The following FOLH1 variants were observed in gnomAD, a reference collection of about 807,000 sequenced individuals.
FOLH1 encodes the protein folate hydrolase 1, also known as glutamate carboxypeptidase 2.
Under a neutral mutation model 93.9 loss-of-function variants are expected in FOLH1, and 54 were observed. The ratio of observed to expected loss-of-function variants is 0.57; its 90% confidence interval spans 0.46 to 0.72. The LOEUF is 0.72. Among genes scored for constraint, FOLH1 ranks in the 30% least tolerant of loss-of-function variants. The pLI is 0.00. For missense variants in FOLH1, 571 were observed against 892.5 expected (o/e 0.64, Z 4.59); for synonymous variants, 249 against 303.6 (o/e 0.82, Z 1.87).
At chr11:49,154,903 G>A (rs1202155853) in intron 15 of FOLH1, among the ~76,000 whole-genome samples, 2 of 151,954 alleles carry the variant, frequency 1.3e-5, no homozygotes, top group Non-Finnish European at 2.9e-5. Flanking sequence ...ACACTAAATT[G>A]CTTAATCACT....
At chr11:49,158,755 A>G (rs1485716890) in intron 13 of FOLH1, among the ~76,000 whole-genome samples, 1 of 152,194 alleles carries the variant, frequency 6.6e-6, no homozygotes, top group Non-Finnish European at 1.5e-5. Context: ...GATTCTTCCT[A>G]TCCATGAGCA....
intron 4 of FOLH1, among the ~76,000 whole-genome samples, chr11:49,191,189 T>C (rs1417424348): frequency 6.6e-6 from 1 of 152,134 alleles, no homozygotes; most frequent in East Asian, 1.9e-4. Flanking sequence ...TTTTTTTGCA[T>C]GTTTAGTAGA....
intron 3 of FOLH1, among the ~76,000 whole-genome samples, chr11:49,195,084 T>C (rs1862479409): frequency 6.6e-6 from 1 of 151,994 alleles, no homozygotes; most frequent in Non-Finnish European, 1.5e-5. Context: ...AAATACAAAA[T>C]ATTAAACCAA....
chr11:49,155,997 C>T (rs1027857976), intron 15 of FOLH1, among the ~76,000 whole-genome samples: 1 of 151,134 alleles, frequency 6.6e-6, no homozygotes, highest in African/African-American at 2.4e-5. Flanking sequence ...TCATGGGGGA[C>T]GAGTTTTCCT....
intron 7 of FOLH1, among the ~76,000 whole-genome samples, chr11:49,177,426 T>C (rs897738211): frequency 6.6e-6 from 1 of 152,026 alleles, no homozygotes; most frequent in Non-Finnish European, 1.5e-5. Context: ...AAGTAAAGAA[T>C]ATACATATAC....
rs762091950 is a variant in FOLH1 at position 49,175,968 on chromosome 11, C to CA, written c.921-12dup. The CA allele has an allele frequency of 5.4e-5, 87 of 1,606,998 alleles. No individual in the cohort carries two copies. Among genetic ancestry groups the CA allele is most frequent in the South Asian group, 7.9e-5 (7 of 89,162 alleles). ...GAGCCACCCATTTTTCTATTGGACA[C>CA]AAAAAAACATTATTAGCCACAAAAA... On this transcript the variant is annotated splice_polypyrimidine_tract_variant and intron_variant, in intron 7 of 18. Coordinates refer to ENST00000256999, the MANE Select transcript of FOLH1 (RefSeq NM_004476.3).
At chr11:49,171,133 G>T in intron 11 of FOLH1, 62 bp downstream of exon 11, 1 of 1,464,630 alleles carries the variant, frequency 6.8e-7, no homozygotes, top group Non-Finnish European at 9.1e-7. Flanking sequence ...TATGTGCTTG[G>T]CAAATAAGTC....
rs963236164 is a variant in FOLH1, at chr11:49,171,895, G to T, written c.1226-618C>A. ...AAACCCTGGTTCTCTCACTAGCAGC[G>T]TGACTGAGGGAAAGTTATTCAAACC... On this transcript the variant is annotated intron_variant, in intron 10 of 18. Transcript: ENST00000256999. Among the ~76,000 whole-genome samples the T allele has an allele frequency of 1.1e-4, 17 of 152,144 alleles. 3 individuals carry two copies. The highest frequency in any genetic ancestry group is 3.9e-4 in the African/African-American group (16 of 41,500).
chr11:49,157,498 TA>T (rs1857156671), intron 14 of FOLH1, among the ~76,000 whole-genome samples: 1 of 151,954 alleles, frequency 6.6e-6, no homozygotes. Flanking sequence ...TAGAACATTT[TA>T]AAAAATGCTG....
At chr11:49,156,441 C>T (rs1277399168) in intron 15 of FOLH1, among the ~76,000 whole-genome samples, 1 of 151,952 alleles carries the variant, frequency 6.6e-6, no homozygotes, top group African/African-American at 2.4e-5. Flanking sequence ...GAATGCAATG[C>T]CACCAAATGA....
rs1203585633 is a variant in FOLH1, at chr11:49,183,318, A to G, written c.827-76T>C. ...CGGTTCTCTATAAATCACATTAAAT[A>G]CATTCTAATTTCACATTTGCTAGAA... On this transcript the variant is annotated intron_variant, in intron 6 of 18. Transcript: ENST00000256999. 3.7e-6 allele frequency: 4 copies of G among 1,078,314 alleles called. No individual in the cohort carries two copies. In the African/African-American group the frequency reaches 4.8e-5, roughly 13 times the overall value. The allele number at this position is 1,078,314 out of a possible 1,614,324, so 66.8% of individuals were successfully genotyped here.
chr11:49,185,977 G>C (rs1861315536), intron 5 of FOLH1, 122 bp from the exon 6 acceptor site: 3 of 1,238,816 alleles, frequency 2.4e-6, no homozygotes, highest in Non-Finnish European at 2.1e-6. Flanking sequence ...TTTCTCATTA[G>C]GCCTACAACA....
Position 49,148,663 on chromosome 11 carries a change from C to G in FOLH1, c.2039G>C (p.Gly680Ala), listed in dbSNP as rs900061825. The G allele has an allele frequency of 6.2e-7, 1 of 1,605,526 alleles. No individual in the cohort carries two copies. The highest frequency in any genetic ancestry group is 1.3e-5 in the African/African-American group (1 of 74,492). ...CCTATAAAAAGGCCTGTCTGGTAAC[C>G]CTAATGGATCAATAAATGCTCTTTC... ...FLERAFIDPL[G>A]LPDRPFYRHV... The change falls in exon 18 of 19, where the codon GGG (glycine) becomes GCG (alanine). Residue 680 changes from glycine (G) to alanine (A), a missense_variant. Physicochemically the swap from Gly to Ala is moderately conservative, Grantham distance 60 (BLOSUM62 0). This residue lies in a region of FOLH1 where 500 missense variants were observed against 822.9 expected (regional missense o/e 0.61). Coordinates refer to ENST00000256999, the MANE Select transcript of FOLH1 (RefSeq NM_004476.3).
rs1418954033 is a variant in FOLH1 at position 49,168,059 on chromosome 11, TG to T, written c.1372+1135del. Among the ~76,000 whole-genome samples, 667 of 141,444 alleles carry T rather than the reference TG, an allele frequency of 4.7e-3. 5 individuals carry two copies. The highest frequency in any genetic ancestry group is 0.017 in the African/African-American group (621 of 36,058). 92.8% of individuals were successfully genotyped at this position (141,444 alleles called of 152,430 possible). A position where few individuals can be genotyped will look rare whatever the true frequency, so the allele number is the denominator to read the frequency against. The stretch of plus-strand genomic sequence containing the variant: ...TCATTTAGTCCTTTTTTTTTTTTTT[TG>T]CAACCATACCACAAATATTTATTTA... On this transcript the variant is annotated intron_variant, in intron 12 of 18. Transcript: ENST00000256999.
chr11:49,151,801 C>T (rs1856540048), intron 17 of FOLH1, among the ~76,000 whole-genome samples: 2 of 152,046 alleles, frequency 1.3e-5, no homozygotes, highest in African/African-American at 2.4e-5. Context: ...AGGGAGAAAA[C>T]ATTTTTTCTT....
At chr11:49,178,939 A>G (rs576209211) in intron 7 of FOLH1, among the ~76,000 whole-genome samples, 1 of 152,332 alleles carries the variant, frequency 6.6e-6, no homozygotes, top group South Asian at 2.1e-4. Context: ...AAATATAAAT[A>G]TATACAAGAC....
chr11:49,194,998 A>G (rs1200263144), intron 3 of FOLH1, among the ~76,000 whole-genome samples: 2 of 152,060 alleles, frequency 1.3e-5, no homozygotes, highest in Admixed American at 6.5e-5. Context: ...TAATAAAGGA[A>G]GCAGACAAAA....
chr11:49,167,471 C>T (rs202671), intron 12 of FOLH1, among the ~76,000 whole-genome samples: 50,614 of 151,938 alleles, frequency 0.33, 10,067 homozygotes, highest in African/African-American at 0.56. Context: ...TAACCAAATG[C>T]ACTGTGTAAA....
rs948953883 is a variant in FOLH1, at chr11:49,146,643, ATAT to A, written c.*110_*112del. On this transcript the variant is annotated 3_prime_UTR_variant, in exon 19 of 19. Transcript: ENST00000256999. ...ATAAACACTCACATAACTATATATA[ATAT>A]TCAACTTTATTTCAAATATACCAAT... is the stretch of plus-strand genomic sequence containing the variant. The A allele has an allele frequency of 4.8e-6, 4 of 839,866 alleles. No homozygotes were observed. In the African/African-American group the frequency reaches 6.9e-5, roughly 15 times the overall value. 52.0% of individuals were successfully genotyped at this position (839,866 alleles called of 1,614,324 possible). A position where few individuals can be genotyped will look rare whatever the true frequency, so the allele number is the denominator to read the frequency against.
Sources: allele counts gnomAD v4.1 joint callset (sites outside exome capture counted in the v4.1 genomes callset), GRCh38; gene constraint gnomAD v4.1.1; regional missense constraint gnomAD v4.1.1; transcripts MANE v1.5; gene names NCBI Gene and HGNC (gene_info 2026-07-23, HGNC 2026-07-21).